The following PSMD2 variants were observed in gnomAD, a reference collection of about 807,000 sequenced individuals.
PSMD2 encodes the protein proteasome 26S subunit ubiquitin receptor, non-ATPase 2.
A neutral mutation model predicts 101.5 loss-of-function variants in PSMD2; 8 were observed. The observed-to-expected ratio is 0.08, with a 90% CI of 0.05 to 0.14. The LOEUF is 0.14. PSMD2 is among the 10% of genes least tolerant of loss of function. The pLI, the probability that PSMD2 is intolerant of heterozygous loss-of-function variation, is 1.00. For synonymous variants in PSMD2, 418 were observed against 433.8 expected (o/e 0.96, Z 0.45); for missense variants, 784 against 1,147.4 (o/e 0.68, Z 4.58).
At position 184,306,404 on chromosome 3, in the gene PSMD2, T is replaced by G; in HGVS notation, c.1859T>G (p.Phe620Cys). 3 of 1,614,128 alleles carry G rather than the reference T, an allele frequency of 1.9e-6. No homozygotes were observed. The highest frequency in any genetic ancestry group is 2.5e-6 in the Non-Finnish European group (3 of 1,180,024). Reference sequence around the variant, plus strand: ...CTGCTCCACATTTGTAGCGAACACTTTGACTCCAAAGAGAAGGAGGAAGAC... The same window carrying G: ...CTGCTCCACATTTGTAGCGAACACTGTGACTCCAAAGAGAAGGAGGAAGAC... ...QQLLHICSEHFDSKEKEEDKD... is the reference protein window; with the variant it reads ...QQLLHICSEHCDSKEKEEDKD... Residue 620 changes from phenylalanine (F) to cysteine (C), a missense_variant, in exon 15 of 21, where the codon TTT (phenylalanine) becomes TGT (cysteine). Around this residue, in one of 6 missense-constraint regions of PSMD2, gnomAD observed 282 missense variants for 437.6 expected, o/e 0.64. Coordinates refer to ENST00000310118, the MANE Select transcript of PSMD2 (RefSeq NM_002808.5).
At chr3:184,302,870 C>T (rs1396271762) in intron 7 of PSMD2, 47 bp downstream of exon 7, 1 of 1,612,992 alleles carries the variant, frequency 6.2e-7, no homozygotes. Context: ...ATAATTCTAC[C>T]TGCCATTTCA....
chr3:184,305,723 A>G (rs1184645739), intron 12 of PSMD2, 45 bp from the exon 13 acceptor site: 1 of 1,558,596 alleles, frequency 6.4e-7, no homozygotes, highest in East Asian at 2.3e-5. Flanking sequence ...AGACATAAAT[A>G]TTTTAATAAC....
chr3:184,301,964 T>C lies in PSMD2; in HGVS notation c.597T>C (p.Asn199=). The change falls in exon 5 of 21, where the codon AAT becomes AAC. Residue 199 remains asparagine, a synonymous_variant. Transcript: ENST00000310118. ...KEIVPYNMAH[N]AEHEACDLLM... is the part of the protein sequence containing the mutation. ...TCGTCCCCTATAACATGGCCCACAA[T>C]GCAGAGCATGAGGCTTGCGACCTGC... 2 of 1,614,218 alleles carry C rather than the reference T, an allele frequency of 1.2e-6. No individual in the cohort carries two copies. Among genetic ancestry groups the C allele is most frequent in the South Asian group, 1.1e-5 (1 of 91,086 alleles).
chr3:184,307,665 A>G lies in PSMD2; in HGVS notation c.2255A>G (p.His752Arg). ...ATGCTGCGCCAGTTAGCTCAATATC[A>G]TGCCAAGGACCCAAACAACCTCTTC... is the stretch of plus-strand genomic sequence containing the variant. Reference protein sequence around the residue: ...AAMLRQLAQYHAKDPNNLFMV... With the variant: ...AAMLRQLAQYRAKDPNNLFMV... Residue 752 changes from histidine (H) to arginine (R), a missense_variant, in exon 18 of 21, where the codon CAT (histidine) becomes CGT (arginine). This residue lies in a region of PSMD2 where 282 missense variants were observed against 437.6 expected (regional missense o/e 0.64). Transcript: ENST00000310118. The G allele has an allele frequency of 6.2e-7, 1 of 1,614,100 alleles. No homozygotes were observed.
rs963128496 is a variant in PSMD2, at chr3:184,303,542, T to G, written c.1216+76T>G. 1.9e-6 allele frequency: 3 copies of G among 1,604,316 alleles called. No homozygotes were observed. The African/African-American group carries it at 4.0e-5, about 22-fold the overall frequency. Reference sequence around the variant, plus strand: ...TGTCCTCTTGGAGTCATAAGTTATCTGACAAGGGATCCACCATGCAGTTCT... The same window carrying G: ...TGTCCTCTTGGAGTCATAAGTTATCGGACAAGGGATCCACCATGCAGTTCT... On this transcript the variant is annotated intron_variant, in intron 9 of 20. Transcript: ENST00000310118.
In PSMD2 at chr3:184,304,551, G is replaced by T. The variant is rs139494850; in HGVS notation, c.1539+160G>T. Among the ~76,000 whole-genome samples, 163 of 152,318 alleles carry T rather than the reference G, an allele frequency of 1.1e-3. No homozygotes were observed. The East Asian group carries it at 0.023, about 21-fold the overall frequency. ...GGGCGTCACCTCAGTGAAACCCCTT[G>T]ATCTGGGATTCTAAGCCTCTGGTGG... On this transcript the variant is annotated intron_variant, in intron 12 of 20. Transcript: ENST00000310118. The surrounding 1 kb of genome is among the most constrained non-coding windows in gnomAD (Gnocchi z 4.1).
In PSMD2 at chr3:184,299,246, G is replaced by C. The variant is rs1453951532; in HGVS notation, c.-21G>C. The C allele has an allele frequency of 7.6e-7, 1 of 1,309,366 alleles. No homozygotes were observed. The highest frequency in any genetic ancestry group is 4.0e-5 in the Admixed American group (1 of 24,910). The allele number at this position is 1,309,366 out of a possible 1,614,324, so 81.1% of individuals were successfully genotyped here. ...CGGTGCGAGCGGGTGCGCGCGCAGC[G>C]GGCCGGCAGTGGCGGCGGAGATGGA... On this transcript the variant is annotated 5_prime_UTR_variant, in exon 1 of 21. Transcript: ENST00000310118.
intron 6 of PSMD2, 34 bp from the exon 7 acceptor site, chr3:184,302,645 C>T: frequency 6.2e-7 from 1 of 1,613,662 alleles, no homozygotes; most frequent in Non-Finnish European, 8.5e-7. Flanking sequence ...CCTTAGTGGA[C>T]AGTGATGAGC....
At chr3:184,306,309 C>T (rs1325961259) in intron 14 of PSMD2, 41 bp from the exon 15 acceptor site, 1 of 1,603,424 alleles carries the variant, frequency 6.2e-7, no homozygotes. Flanking sequence ...TCCTTGGTAA[C>T]TTCTCATTTC....
chr3:184,308,657 G>A lies in PSMD2; in HGVS notation c.2545-51G>A. 1 of 1,591,790 alleles carries A rather than the reference G, an allele frequency of 6.3e-7. No individual in the cohort carries two copies. Among genetic ancestry groups the A allele is most frequent in the South Asian group, 1.1e-5 (1 of 90,240 alleles). ...TGCTTTGCTGAAACTGGCGTGGGCGGTGGCTTGTCGCTACTTTTCCATCTC... is the reference window on the plus strand; with the variant it reads ...TGCTTTGCTGAAACTGGCGTGGGCGATGGCTTGTCGCTACTTTTCCATCTC... On this transcript the variant is annotated intron_variant, in intron 20 of 20. Transcript: ENST00000310118. The surrounding 1 kb of genome is among the most constrained non-coding windows in gnomAD (Gnocchi z 6.0).
chr3:184,308,038 T>C lies in PSMD2; in HGVS notation c.2425+22T>C. 1 of 1,613,256 alleles carries C rather than the reference T, an allele frequency of 6.2e-7. No individual in the cohort carries two copies. Among genetic ancestry groups the C allele is most frequent in the Non-Finnish European group, 8.5e-7 (1 of 1,179,944 alleles). ...AACAGTGAGTTCCTGTCAGAAATTTTATATCATAGCATGCAGGGCTCTGAC... is the reference window on the plus strand; with the variant it reads ...AACAGTGAGTTCCTGTCAGAAATTTCATATCATAGCATGCAGGGCTCTGAC... On this transcript the variant is annotated intron_variant, in intron 19 of 20. Coordinates refer to ENST00000310118, the MANE Select transcript of PSMD2 (RefSeq NM_002808.5). The surrounding 1 kb of genome is among the most constrained non-coding windows in gnomAD (Gnocchi z 6.0).
Position 184,307,921 on chromosome 3 carries a change from C to A in PSMD2, c.2330C>A (p.Thr777Asn). The change falls in exon 19 of 21, where the codon ACC becomes AAC. Residue 777 changes from threonine to asparagine, a missense_variant. Around this residue, in one of 6 missense-constraint regions of PSMD2, gnomAD observed 282 missense variants for 437.6 expected, o/e 0.64. Transcript: ENST00000310118. ...GLTHLGKGTL[T>N]LCPYHSDRQL... ...ACACATTTAGGGAAGGGCACCCTTACCCTCTGCCCCTACCACAGCGACCGG... is the reference window on the plus strand; with the variant it reads ...ACACATTTAGGGAAGGGCACCCTTAACCTCTGCCCCTACCACAGCGACCGG... 2 of 1,614,156 alleles carry A rather than the reference C, an allele frequency of 1.2e-6. No individual in the cohort carries two copies. The highest frequency in any genetic ancestry group is 1.7e-6 in the Non-Finnish European group (2 of 1,180,018).
chr3:184,303,897 G>T (rs369440826), intron 10 of PSMD2, 50 bp from the exon 11 acceptor site: 3 of 1,613,686 alleles, frequency 1.9e-6, no homozygotes, highest in East Asian at 4.5e-5. Context: ...CATCCTTTGC[G>T]GTGAGGAAGA....
Position 184,304,266 on chromosome 3 carries a change from G to C in PSMD2, c.1452-38G>C. 1 of 1,595,038 alleles carries C rather than the reference G, an allele frequency of 6.3e-7. No individual in the cohort carries two copies. The highest frequency in any genetic ancestry group is 8.6e-7 in the Non-Finnish European group (1 of 1,162,640). On this transcript the variant is annotated intron_variant, in intron 11 of 20. Coordinates refer to ENST00000310118, the MANE Select transcript of PSMD2 (RefSeq NM_002808.5). This position sits in a 1 kb window ranked among gnomAD's most constrained non-coding sequence, Gnocchi z 4.1. ...TTGTTCTTTTCTTGCTGCATCGTTG[G>C]GTATGTGTTGGGGACCGCCTTTCCA...
In PSMD2 at chr3:184,305,773, A is replaced by G. The variant is rs1295001001; in HGVS notation, c.1545A>G (p.Ala515=). ...ACTGATTTTCCTACCTCTAGGTGGCAGGTGTCACAGCTTTAGCCTGTGGAA... is the reference window on the plus strand; with the variant it reads ...ACTGATTTTCCTACCTCTAGGTGGCGGGTGTCACAGCTTTAGCCTGTGGAA... ...MGDSKSSMEV[A]GVTALACGMI... The change falls in exon 13 of 21, where the codon GCA becomes GCG. Residue 515 remains alanine (A), a synonymous_variant. Coordinates refer to ENST00000310118, the MANE Select transcript of PSMD2 (RefSeq NM_002808.5). The G allele has an allele frequency of 1.9e-6, 3 of 1,613,310 alleles. No homozygotes were observed. The African/African-American group carries it at 4.0e-5, about 22-fold the overall frequency.
At chr3:184,300,750 T>C (rs1721614835) in intron 3 of PSMD2, 2 of 809,048 alleles carry the variant, frequency 2.5e-6, no homozygotes, top group Admixed American at 4.9e-5. Flanking sequence ...CTCTAAAATA[T>C]GTTCCACATT....
chr3:184,302,984 C>T lies in PSMD2; in HGVS notation c.1009-18C>T. The stretch of plus-strand genomic sequence containing the variant: ...GGAGTTCTAGGGAAGCAATTGTGAC[C>T]CTCTGACTTCTCTTCAGCTGGACAT... On this transcript the variant is annotated intron_variant, in intron 7 of 20. Transcript: ENST00000310118. 6.2e-7 allele frequency: 1 copy of T among 1,613,944 alleles called. No individual in the cohort carries two copies. Among genetic ancestry groups the T allele is most frequent in the Non-Finnish European group, 8.5e-7 (1 of 1,179,978 alleles).
In PSMD2 at chr3:184,306,815, T is replaced by C; in HGVS notation, c.2015T>C (p.Leu672Ser). 1.2e-6 allele frequency: 2 copies of C among 1,614,002 alleles called. No homozygotes were observed. Among genetic ancestry groups the C allele is most frequent in the Non-Finnish European group, 1.7e-6 (2 of 1,179,986 alleles). The change falls in exon 16 of 21, where the codon TTA (leucine) becomes TCA (serine). Residue 672 changes from leucine (L) to serine (S), a missense_variant. Around this residue, in one of 6 missense-constraint regions of PSMD2, gnomAD observed 282 missense variants for 437.6 expected, o/e 0.64. Transcript: ENST00000310118. ...MGEEIGAEMA[L>S]RTFGHLLRYG... ...GAGGAGATTGGTGCAGAGATGGCAT[T>C]ACGAACCTTTGGCCACTTGGTGAGT...
chr3:184,300,226 T>C lies in PSMD2; in HGVS notation c.193-54T>C, dbSNP rs555094579. 260 of 1,502,520 alleles carry C rather than the reference T, an allele frequency of 1.7e-4. 1 individual carries two copies. The highest frequency in any genetic ancestry group is 2.2e-4 in the Non-Finnish European group (244 of 1,096,208). The allele number at this position is 1,502,520 out of a possible 1,614,324, so 93.1% of individuals were successfully genotyped here. ...TGTTAAGTTAAATATCTCTGTATTA[T>C]GACTTGAAGGGGTGTGACTCCTTTT... On this transcript the variant is annotated intron_variant, in intron 2 of 20. Coordinates refer to ENST00000310118, the MANE Select transcript of PSMD2 (RefSeq NM_002808.5).
Sources: allele counts gnomAD v4.1 joint callset (sites outside exome capture counted in the v4.1 genomes callset), GRCh38; gene constraint gnomAD v4.1.1; regional missense constraint gnomAD v4.1.1; non-coding constraint Gnocchi (gnomAD v3.1); transcripts MANE v1.5; gene names NCBI Gene and HGNC (gene_info 2026-07-23, HGNC 2026-07-21).